The following AUH variants were observed in gnomAD, a reference collection of about 807,000 sequenced individuals.
AUH encodes the protein methylglutaconyl-CoA hydratase, mitochondrial.
AUH carries 29 observed loss-of-function variants against 42.3 expected under a neutral mutation model. That is an observed-to-expected ratio of 0.69 (90% CI 0.51 to 0.93). AUH has a LOEUF of 0.93. AUH is among the 40% of genes least tolerant of loss of function. The pLI, the probability that AUH is intolerant of heterozygous loss-of-function variation, is 0.00. For synonymous variants in AUH, 174 were observed against 166.4 expected, an observed-to-expected ratio of 1.05 and a Z score of -0.35; for missense variants, 452 against 438.1, an observed-to-expected ratio of 1.03 and a Z score of -0.28.
At chr9:91,251,707 C>T (rs914791640) in intron 6 of AUH, among the ~76,000 whole-genome samples, 1 of 152,226 alleles carries the variant, frequency 6.6e-6, no homozygotes, top group Non-Finnish European at 1.5e-5. Flanking sequence ...CATAACCCAA[C>T]AGCCCTCATC....
At position 91,220,857 on chromosome 9, in the gene AUH, C is replaced by T. The variant is rs376821113; in HGVS notation, c.791G>A (p.Gly264Glu). The T allele has an allele frequency of 2.3e-4, 377 of 1,614,250 alleles. No individual in the cohort carries two copies. Among genetic ancestry groups the T allele is most frequent in the Admixed American group, 4.3e-4 (26 of 60,030 alleles). Residue 264 changes from glycine to glutamate, a missense_variant, in exon 7 of 10, where the codon GGA becomes GAA. Gly to Glu is a moderately conservative substitution (Grantham distance 98, BLOSUM62 -2). Coordinates refer to ENST00000375731, the MANE Select transcript of AUH (RefSeq NM_001698.3). ...CAAGGCCTTCCTGTAGGCCGCGTCT[C>T]CCTCCTGGTTCTGTTCCAGAACGTG... is the stretch of plus-strand genomic sequence containing the variant. ...ISHVLEQNQEGDAAYRKALDL... is the reference protein window; with the variant it reads ...ISHVLEQNQEEDAAYRKALDL...
At chr9:91,270,683 T>C (rs1322641324) in intron 6 of AUH, among the ~76,000 whole-genome samples, 1 of 151,918 alleles carries the variant, frequency 6.6e-6, no homozygotes, top group Admixed American at 6.6e-5. Context: ...TCAAAATGAA[T>C]AAAGAATCAG....
intron 6 of AUH, among the ~76,000 whole-genome samples, chr9:91,251,511 T>C (rs1232127064): frequency 2.6e-5 from 4 of 152,142 alleles, no homozygotes; most frequent in Non-Finnish European, 4.4e-5. Context: ...GAATGGTAAA[T>C]ACAAGTCAAT....
chr9:91,242,953 A>T (rs1322186874), intron 6 of AUH, among the ~76,000 whole-genome samples: 1 of 152,254 alleles, frequency 6.6e-6, no homozygotes, highest in Admixed American at 6.5e-5. Context: ...GAAAATTTAA[A>T]GATTCTGGGC....
At chr9:91,262,701 T>C (rs78707542) in intron 6 of AUH, among the ~76,000 whole-genome samples, 6,421 of 144,190 alleles carry the variant, frequency 0.045, 205 homozygotes, top group Non-Finnish European at 0.059. Context: ...ACAATTGGAG[T>C]GGGGTGGGGG....
chr9:91,278,117 A>C (rs1421270619), intron 6 of AUH, among the ~76,000 whole-genome samples: 1 of 152,194 alleles, frequency 6.6e-6, no homozygotes, highest in South Asian at 2.1e-4. Flanking sequence ...AAAAGAAAAC[A>C]ACGGAGGGCT....
intron 1 of AUH, among the ~76,000 whole-genome samples, chr9:91,359,585 G>T (rs992554933): frequency 6.8e-6 from 1 of 146,116 alleles, no homozygotes; most frequent in South Asian, 2.1e-4. Flanking sequence ...GAAAAAAAAA[G>T]AAAAGAAAAG....
At chr9:91,216,205 C>G (rs1364827065) in intron 8 of AUH, 99 bp from the exon 9 acceptor site, 1 of 1,194,960 alleles carries the variant, frequency 8.4e-7, no homozygotes, top group Non-Finnish European at 1.2e-6. Flanking sequence ...CCCAAAGCAC[C>G]CAATCCTTTG....
chr9:91,268,433 AT>A (rs370080306), intron 6 of AUH, among the ~76,000 whole-genome samples: 419 of 146,846 alleles, frequency 2.9e-3, no homozygotes, highest in African/African-American at 3.2e-3. Flanking sequence ...CTTCCTAGAC[AT>A]TTTTTTTTTT....
intron 4 of AUH, among the ~76,000 whole-genome samples, chr9:91,309,091 C>T (rs886262630): frequency 1.2e-4 from 18 of 150,172 alleles, no homozygotes; most frequent in Non-Finnish European, 2.7e-4. Context: ...GGCGCCTGGT[C>T]TTAACTTTTA....
At chr9:91,308,269 G>A (rs1828385349) in intron 4 of AUH, among the ~76,000 whole-genome samples, 1 of 152,204 alleles carries the variant, frequency 6.6e-6, no homozygotes, top group Non-Finnish European at 1.5e-5. Context: ...ACTGGGGCAG[G>A]AGGATCATTT....
At chr9:91,263,761 T>C (rs1308377329) in intron 6 of AUH, among the ~76,000 whole-genome samples, 4 of 152,210 alleles carry the variant, frequency 2.6e-5, no homozygotes, top group Non-Finnish European at 5.9e-5. Flanking sequence ...TAAACTTGTA[T>C]CTAGGTTTCT....
At chr9:91,310,357 A>T (rs190858360) in intron 4 of AUH, among the ~76,000 whole-genome samples, 18 of 152,350 alleles carry the variant, frequency 1.2e-4, no homozygotes, top group Non-Finnish European at 2.6e-4. Context: ...GATAAGATGA[A>T]ATAATTACAG....
At chr9:91,260,341 CAT>C (rs528262578) in intron 6 of AUH, among the ~76,000 whole-genome samples, 23 of 152,176 alleles carry the variant, frequency 1.5e-4, no homozygotes, top group Non-Finnish European at 2.1e-4. Flanking sequence ...TAACTATCCA[CAT>C]GAGTTTAAAC....
chr9:91,264,624 T>C lies in AUH; in HGVS notation c.655+31397A>G, dbSNP rs115532439. Reference sequence around the variant, plus strand: ...CATACTCAACTATCTTTCTGATAAATGTATTTGGGAGGCTGGGCATGGTGG... The same window carrying C: ...CATACTCAACTATCTTTCTGATAAACGTATTTGGGAGGCTGGGCATGGTGG... On this transcript the variant is annotated intron_variant, in intron 6 of 9. Coordinates refer to ENST00000375731, the MANE Select transcript of AUH (RefSeq NM_001698.3). Among the ~76,000 whole-genome samples, 455 of 152,274 alleles carry C rather than the reference T, an allele frequency of 3.0e-3. 5 individuals carry two copies. Among genetic ancestry groups the C allele is most frequent in the African/African-American group, 0.01 (436 of 41,562 alleles).
chr9:91,304,688 TTTAAA>T (rs2131710588), intron 4 of AUH, among the ~76,000 whole-genome samples: 1 of 152,370 alleles, frequency 6.6e-6, no homozygotes, highest in East Asian at 1.9e-4. Context: ...GCACTGGTAC[TTTAAA>T]TTATTAATTA....
At chr9:91,300,610 T>C (rs1255033788) in intron 4 of AUH, among the ~76,000 whole-genome samples, 3 of 152,218 alleles carry the variant, frequency 2.0e-5, no homozygotes, top group Non-Finnish European at 4.4e-5. Flanking sequence ...AACACAGTCA[T>C]GCTATTCCCC....
At chr9:91,280,888 C>CA (rs1825905305) in intron 6 of AUH, among the ~76,000 whole-genome samples, 1 of 152,130 alleles carries the variant, frequency 6.6e-6, no homozygotes, top group Non-Finnish European at 1.5e-5. Flanking sequence ...CATGGAAGTC[C>CA]AATTTTTCCT....
In AUH at chr9:91,216,846, T is replaced by C. The variant is rs73650967; in HGVS notation, c.894+431A>G. Among the ~76,000 whole-genome samples the C allele has an allele frequency of 7.4e-3, 1,127 of 152,294 alleles. 13 individuals are homozygous for C. The highest frequency in any genetic ancestry group is 0.043 in the East Asian group (221 of 5,176). On this transcript the variant is annotated intron_variant, in intron 8 of 9. Coordinates refer to ENST00000375731, the MANE Select transcript of AUH (RefSeq NM_001698.3). Reference sequence around the variant, plus strand: ...ACAATGGATTCACCTTATACCTGCATTGCGTGTGCCTCCTTGTAGAAGGCA... The same window carrying C: ...ACAATGGATTCACCTTATACCTGCACTGCGTGTGCCTCCTTGTAGAAGGCA...
Sources: gnomAD v4.1 joint callset for allele counts (sites outside exome capture counted in the v4.1 genomes callset) on GRCh38, gnomAD v4.1.1 for gene constraint, MANE v1.5 for transcripts, NCBI Gene and HGNC (gene_info 2026-07-23, HGNC 2026-07-21) for gene names.